FOXP2: variants seen among roughly 807,000 people sequenced by gnomAD.
The protein encoded by FOXP2 is forkhead box protein P2.
A neutral mutation model predicts 115.8 loss-of-function variants in FOXP2; 12 were observed. The observed-to-expected ratio is 0.10, with a 90% CI of 0.07 to 0.17. The LOEUF (loss-of-function observed/expected upper bound fraction) is 0.17, where lower values mean the gene tolerates loss of function less well. Among genes scored for constraint, FOXP2 ranks in the 10% least tolerant of loss-of-function variants. FOXP2 has a pLI of 1.00. For missense variants in FOXP2, 629 were observed against 843.5 expected (o/e 0.75, Z 3.15); for synonymous variants, 328 against 297.7 (o/e 1.10, Z -1.05).
At chr7:114,277,824 A>C (rs1042079860) in intron 1 of FOXP2, among the ~76,000 whole-genome samples, 13 of 151,676 alleles carry the variant, frequency 8.6e-5, no homozygotes, top group Non-Finnish European at 1.9e-4. Context: ...AGACCAGCCT[A>C]GTCAACATGG....
At chr7:114,671,994 G>A (rs1426304175) in intron 16 of FOXP2, among the ~76,000 whole-genome samples, 2 of 151,962 alleles carry the variant, frequency 1.3e-5, no homozygotes, top group African/African-American at 4.8e-5. Flanking sequence ...ACATTCCATA[G>A]CCAGTTTCTA....
At chr7:114,407,786 C>T (rs1226214417) in intron 2 of FOXP2, among the ~76,000 whole-genome samples, 1 of 152,002 alleles carries the variant, frequency 6.6e-6, no homozygotes, top group Non-Finnish European at 1.5e-5. Flanking sequence ...TGGGTGCATG[C>T]TTAGGAATTA....
At chr7:114,601,840 C>G (rs190804310) in intron 3 of FOXP2, among the ~76,000 whole-genome samples, 1 of 151,868 alleles carries the variant, frequency 6.6e-6, no homozygotes, top group Admixed American at 6.6e-5. Flanking sequence ...CTTTGAAATT[C>G]GTTGAAATTT....
intron 16 of FOXP2, among the ~76,000 whole-genome samples, chr7:114,674,653 A>G (rs1807665624): frequency 6.6e-6 from 1 of 152,180 alleles, no homozygotes; most frequent in Admixed American, 6.5e-5. Context: ...TCTGTTGTAT[A>G]ATTTCTTAGC....
At chr7:114,593,893 T>C (rs918380517) in intron 3 of FOXP2, among the ~76,000 whole-genome samples, 3 of 152,050 alleles carry the variant, frequency 2.0e-5, no homozygotes, top group Admixed American at 2.0e-4. Flanking sequence ...ATTAGTTGAT[T>C]GAACCATTAA....
intron 1 of FOXP2, among the ~76,000 whole-genome samples, chr7:114,139,141 C>T (rs941166477): frequency 4.6e-5 from 7 of 152,048 alleles, no homozygotes; most frequent in African/African-American, 1.4e-4. Context: ...AGACCAGGTA[C>T]TTTAAAAAAT....
At chr7:114,500,445 A>T (rs967456343) in intron 2 of FOXP2, among the ~76,000 whole-genome samples, 14 of 152,032 alleles carry the variant, frequency 9.2e-5, no homozygotes, top group Non-Finnish European at 1.9e-4. Context: ...TTACTTTTAA[A>T]ATATTATGTA....
chr7:114,638,543 C>T (rs564114890), intron 6 of FOXP2, among the ~76,000 whole-genome samples: 1 of 152,268 alleles, frequency 6.6e-6, no homozygotes, highest in African/African-American at 2.4e-5. Context: ...TTTCACATTT[C>T]ATAAGTAGTT....
At chr7:114,564,469 C>G (rs1408764189) in intron 3 of FOXP2, among the ~76,000 whole-genome samples, 5 of 152,028 alleles carry the variant, frequency 3.3e-5, no homozygotes, top group Non-Finnish European at 5.9e-5. Flanking sequence ...CCAATTGAAA[C>G]TCAACATATT....
chr7:114,470,820 A>C (rs532730173), intron 2 of FOXP2, among the ~76,000 whole-genome samples: 1 of 151,542 alleles, frequency 6.6e-6, no homozygotes. Context: ...CCATGTTTTT[A>C]TCTCTCCCTC....
At chr7:114,497,915 A>C (rs1469529705) in intron 2 of FOXP2, among the ~76,000 whole-genome samples, 1 of 152,116 alleles carries the variant, frequency 6.6e-6, no homozygotes, top group Admixed American at 6.5e-5. Flanking sequence ...ATAGATGATG[A>C]GATTCAGATT....
intron 3 of FOXP2, among the ~76,000 whole-genome samples, chr7:114,580,156 C>T (rs968530773): frequency 1.3e-5 from 2 of 152,076 alleles, no homozygotes; most frequent in Admixed American, 1.3e-4. Flanking sequence ...ATCCTTAGAG[C>T]AATAGAAAGC....
At chr7:114,561,360 C>G (rs1216211140) in intron 3 of FOXP2, 3 of 152,062 alleles carry the variant, frequency 2.0e-5, no homozygotes, top group Admixed American at 2.0e-4. Context: ...CAATAGAAAA[C>G]TACTGGACAA....
At chr7:114,663,695 G>A (rs894576836) in intron 15 of FOXP2, among the ~76,000 whole-genome samples, 176 bp downstream of exon 15, 3 of 151,726 alleles carry the variant, frequency 2.0e-5, no homozygotes, top group Non-Finnish European at 4.4e-5. Context: ...CTTTTGATGT[G>A]AAGAAGCAAG....
At chr7:114,523,922 G>A (rs1798744168) in intron 2 of FOXP2, among the ~76,000 whole-genome samples, 1 of 152,074 alleles carries the variant, frequency 6.6e-6, no homozygotes. Flanking sequence ...GTTTAAGTGG[G>A]CAACTTGGTG....
At chr7:114,661,434 C>T (rs1806854251) in intron 13 of FOXP2, among the ~76,000 whole-genome samples, 1 of 151,844 alleles carries the variant, frequency 6.6e-6, no homozygotes, top group Admixed American at 6.6e-5. Context: ...GTTCCAGCAA[C>T]GACTTTCAGT....
chr7:114,486,935 CT>C (rs776760454), intron 2 of FOXP2, among the ~76,000 whole-genome samples: 14 of 152,160 alleles, frequency 9.2e-5, no homozygotes, highest in Non-Finnish European at 2.1e-4. Flanking sequence ...GAGTGTGCAG[CT>C]TTTCTAGGTG....
At chr7:114,359,765 G>C (rs1171670123) in intron 2 of FOXP2, among the ~76,000 whole-genome samples, 2 of 152,216 alleles carry the variant, frequency 1.3e-5, no homozygotes, top group Non-Finnish European at 2.9e-5. Context: ...TGGAATGTGT[G>C]TATTTACCCA....
At chr7:114,626,439 A>G (rs1804588366) in intron 3 of FOXP2, among the ~76,000 whole-genome samples, 1 of 151,818 alleles carries the variant, frequency 6.6e-6, no homozygotes, top group Non-Finnish European at 1.5e-5. Context: ...ATTAAGGGAT[A>G]ATTAAAACGC....
Sources: gnomAD v4.1 joint callset for allele counts (sites outside exome capture counted in the v4.1 genomes callset) on GRCh38, gnomAD v4.1.1 for gene constraint, MANE v1.5 for transcripts, NCBI Gene and HGNC (gene_info 2026-07-23, HGNC 2026-07-21) for gene names.